The following HDAC9 variants were observed in gnomAD, a reference collection of about 807,000 sequenced individuals.
The protein encoded by HDAC9 is MEF-2 interacting transcription repressor (MITR) protein.
A neutral mutation model predicts 139.4 loss-of-function variants in HDAC9; 41 were observed. The observed-to-expected ratio is 0.29, with a 90% CI of 0.23 to 0.38. The LOEUF (loss-of-function observed/expected upper bound fraction) is 0.38, where lower values mean the gene tolerates loss of function less well. Among genes scored for constraint, HDAC9 ranks in the 10% least tolerant of loss-of-function variants. The probability of loss-of-function intolerance (pLI) is 1.00; values close to 1 mark genes in which losing one functional copy is unlikely to be tolerated. For missense variants in HDAC9, 1,147 were observed against 1,297.0 expected, an observed-to-expected ratio of 0.88 and a Z score of 1.78; for synonymous variants, 517 against 476.2, an observed-to-expected ratio of 1.09 and a Z score of -1.12.
chr7:18,318,448 A>T (rs1287956249), intron 1 of HDAC9, among the ~76,000 whole-genome samples: 1 of 152,226 alleles, frequency 6.6e-6, no homozygotes, highest in Non-Finnish European at 1.5e-5. Context: ...ACAGACAGCA[A>T]TAACTAATGA....
chr7:18,138,638 G>GGGCA (rs1328342667), intron 1 of HDAC9, among the ~76,000 whole-genome samples: 1 of 151,602 alleles, frequency 6.6e-6, no homozygotes, highest in Admixed American at 6.6e-5. Flanking sequence ...AAGCAGAGTG[G>GGGCA]GGCAGGCTGC....
chr7:18,688,253 A>G (rs922757053), intron 12 of HDAC9, among the ~76,000 whole-genome samples: 2 of 151,856 alleles, frequency 1.3e-5, no homozygotes, highest in African/African-American at 2.4e-5. Flanking sequence ...GCAAGAAATG[A>G]TGGAGGAAAA....
intron 15 of HDAC9, among the ~76,000 whole-genome samples, chr7:18,762,800 C>A (rs931499899): frequency 6.6e-6 from 1 of 152,074 alleles, no homozygotes; most frequent in South Asian, 2.1e-4. Flanking sequence ...TTAAATAATA[C>A]ATTAAATGCA....
At chr7:18,752,964 C>A (rs1309323954) in intron 14 of HDAC9, among the ~76,000 whole-genome samples, 2 of 152,062 alleles carry the variant, frequency 1.3e-5, no homozygotes, top group African/African-American at 4.8e-5. Flanking sequence ...GTCAGAGAAT[C>A]TCGTTGCTAA....
At chr7:18,559,678 A>G (rs1422175986) in intron 2 of HDAC9, among the ~76,000 whole-genome samples, 1 of 152,162 alleles carries the variant, frequency 6.6e-6, no homozygotes, top group East Asian at 1.9e-4. Context: ...TTCAGCCTGC[A>G]TAGGTGGTCT....
chr7:18,372,900 C>A (rs1021048885), intron 1 of HDAC9, among the ~76,000 whole-genome samples: 2 of 152,162 alleles, frequency 1.3e-5, no homozygotes, highest in Non-Finnish European at 2.9e-5. Context: ...CTATTCATAA[C>A]AATGGTTACT....
intron 22 of HDAC9, among the ~76,000 whole-genome samples, chr7:18,935,599 T>C (rs1282093575): frequency 1.3e-5 from 2 of 152,152 alleles, no homozygotes. Context: ...TGATACTTCT[T>C]AGCTGTGGGA....
chr7:18,276,563 C>T (rs1377326020), intron 2 of HDAC9, among the ~76,000 whole-genome samples: 6 of 152,158 alleles, frequency 3.9e-5, no homozygotes, highest in Non-Finnish European at 7.3e-5. Context: ...TGAATAGGGA[C>T]ATCTGTCTCT....
chr7:18,557,627 A>T (rs1330527180), intron 2 of HDAC9, among the ~76,000 whole-genome samples: 2 of 149,894 alleles, frequency 1.3e-5, no homozygotes, highest in African/African-American at 4.9e-5. Context: ...TTTCTCTTGT[A>T]TGGTTAAAAT....
chr7:18,564,914 G>C (rs889097114), intron 2 of HDAC9, among the ~76,000 whole-genome samples: 2 of 151,364 alleles, frequency 1.3e-5, no homozygotes, highest in African/African-American at 4.9e-5. Flanking sequence ...CACATCTTAG[G>C]CTCTTTCATA....
chr7:18,731,359 A>G (rs1027763407), intron 13 of HDAC9, among the ~76,000 whole-genome samples: 2 of 152,248 alleles, frequency 1.3e-5, no homozygotes, highest in East Asian at 3.9e-4. Context: ...GCTTAAATCT[A>G]TCCTCTAAGA....
intron 17 of HDAC9, among the ~76,000 whole-genome samples, chr7:18,814,465 A>G (rs576796365): frequency 2.6e-5 from 4 of 152,246 alleles, no homozygotes; most frequent in Non-Finnish European, 5.9e-5. Flanking sequence ...TCTGCAAAAG[A>G]CATTGTTTGG....
chr7:18,886,532 CTG>C (rs988848390), intron 22 of HDAC9, among the ~76,000 whole-genome samples: 2 of 152,024 alleles, frequency 1.3e-5, no homozygotes, highest in African/African-American at 4.8e-5. Flanking sequence ...GAGATTGAGG[CTG>C]TTTTTTTAAT....
At chr7:18,810,155 AC>A (rs1794061529) in intron 17 of HDAC9, among the ~76,000 whole-genome samples, 1 of 151,930 alleles carries the variant, frequency 6.6e-6, no homozygotes, top group African/African-American at 2.4e-5. Context: ...GCTCATAGAA[AC>A]AGGGGGTTGC....
intron 1 of HDAC9, among the ~76,000 whole-genome samples, chr7:18,153,443 G>A (rs1786934144): frequency 6.6e-6 from 1 of 152,142 alleles, no homozygotes; most frequent in Admixed American, 6.5e-5. Context: ...CTGATTGGTT[G>A]CAGAAAGTGA....
chr7:18,468,752 G>T (rs10265752), intron 1 of HDAC9, among the ~76,000 whole-genome samples: 2 of 152,248 alleles, frequency 1.3e-5, no homozygotes, highest in South Asian at 4.1e-4. Flanking sequence ...TGAATGAATG[G>T]GATCTGTAAA....
intron 1 of HDAC9, among the ~76,000 whole-genome samples, chr7:18,110,663 T>C (rs1283003749): frequency 6.6e-6 from 1 of 152,086 alleles, no homozygotes; most frequent in Non-Finnish European, 1.5e-5. Flanking sequence ...GCACACCTGA[T>C]AGATTATTAG....
At chr7:18,118,331 CTT>C (rs1784147819) in intron 1 of HDAC9, among the ~76,000 whole-genome samples, 1 of 152,126 alleles carries the variant, frequency 6.6e-6, no homozygotes, top group African/African-American at 2.4e-5. Flanking sequence ...AGATCCCTAA[CTT>C]TACTTAATCT....
At chr7:18,257,530 AC>A (rs1795358245) in intron 2 of HDAC9, among the ~76,000 whole-genome samples, 1 of 152,264 alleles carries the variant, frequency 6.6e-6, no homozygotes, top group African/African-American at 2.4e-5. Flanking sequence ...TAAATAAATG[AC>A]CCACATACTT....
Sources: gnomAD v4.1 joint callset for allele counts (sites outside exome capture counted in the v4.1 genomes callset) on GRCh38, gnomAD v4.1.1 for gene constraint, MANE v1.5 for transcripts, NCBI Gene and HGNC (gene_info 2026-07-23, HGNC 2026-07-21) for gene names.